Variants in CTNNA2 observed in about 807,000 individuals in gnomAD.
CTNNA2 encodes the protein catenin alpha-2.
A neutral mutation model predicts 101.0 loss-of-function variants in CTNNA2; 42 were observed. That is an observed-to-expected ratio of 0.42 (90% CI 0.32 to 0.54). The LOEUF (loss-of-function observed/expected upper bound fraction) is 0.54, where lower values mean the gene tolerates loss of function less well. Among genes scored for constraint, CTNNA2 ranks in the 20% least tolerant of loss-of-function variants. The pLI, the probability that CTNNA2 is intolerant of heterozygous loss-of-function variation, is 0.14. For missense variants in CTNNA2, 871 were observed against 1,223.1 expected, an observed-to-expected ratio of 0.71 and a Z score of 4.29; for synonymous variants, 450 against 456.4, an observed-to-expected ratio of 0.99 and a Z score of 0.18.
intron 7 of CTNNA2, among the ~76,000 whole-genome samples, chr2:80,375,034 A>G (rs1480678770): frequency 6.6e-6 from 1 of 152,142 alleles, no homozygotes; most frequent in Non-Finnish European, 1.5e-5. Context: ...TGCAGCCTGC[A>G]GATTCTTCCC....
intron 2 of CTNNA2, among the ~76,000 whole-genome samples, chr2:79,269,774 C>T (rs1460317024): frequency 1.3e-5 from 2 of 152,108 alleles, no homozygotes; most frequent in African/African-American, 2.4e-5. Context: ...TATCAAGTGC[C>T]TGTTACTTGC....
intron 4 of CTNNA2, among the ~76,000 whole-genome samples, chr2:79,394,462 C>G (rs890793154): frequency 2.0e-5 from 3 of 152,108 alleles, no homozygotes; most frequent in African/African-American, 7.2e-5. Context: ...TAACAGAAAC[C>G]TAACAATCAA....
At chr2:79,319,633 A>C (rs1307610170) in intron 3 of CTNNA2, 2 of 152,080 alleles carry the variant, frequency 1.3e-5, no homozygotes, top group African/African-American at 4.8e-5. Flanking sequence ...AATGAGAATT[A>C]GTTTTTTATG....
intron 2 of CTNNA2, among the ~76,000 whole-genome samples, chr2:79,298,819 C>T (rs1164137859): frequency 6.6e-6 from 1 of 152,150 alleles, no homozygotes; most frequent in Non-Finnish European, 1.5e-5. Context: ...ACTAAATCTA[C>T]CTTCTTTTCT....
intron 7 of CTNNA2, among the ~76,000 whole-genome samples, chr2:80,169,762 A>G (rs979191416): frequency 1.3e-5 from 2 of 152,184 alleles, no homozygotes; most frequent in Middle Eastern, 3.2e-3. Flanking sequence ...CTGCTCTTGC[A>G]TGGTTGCATA....
intron 1 of CTNNA2, among the ~76,000 whole-genome samples, chr2:79,585,993 C>G (rs1676461788): frequency 6.6e-6 from 1 of 152,040 alleles, no homozygotes; most frequent in African/African-American, 2.4e-5. Context: ...AAAAAAGACT[C>G]AGAAAATTGT....
intron 1 of CTNNA2, among the ~76,000 whole-genome samples, chr2:79,627,039 C>T (rs879424688): frequency 6.6e-6 from 1 of 152,132 alleles, no homozygotes; most frequent in Non-Finnish European, 1.5e-5. Flanking sequence ...GGTCTCATTT[C>T]CTAAATGACT....
intron 7 of CTNNA2, among the ~76,000 whole-genome samples, chr2:80,373,741 C>T (rs976978638): frequency 6.6e-6 from 1 of 152,220 alleles, no homozygotes; most frequent in African/African-American, 2.4e-5. Context: ...GCCTGGCATT[C>T]AGACCAAGAA....
chr2:79,594,758 A>T (rs1677080596), intron 1 of CTNNA2, among the ~76,000 whole-genome samples: 1 of 151,936 alleles, frequency 6.6e-6, no homozygotes, highest in Non-Finnish European at 1.5e-5. Context: ...ATATATCTTT[A>T]ATCTATTCCT....
chr2:79,377,480 T>C (rs1156784045), intron 4 of CTNNA2, among the ~76,000 whole-genome samples: 1 of 152,226 alleles, frequency 6.6e-6, no homozygotes, highest in Non-Finnish European at 1.5e-5. Context: ...CCATAGGTCT[T>C]TGAGTTTCTG....
At chr2:80,241,633 T>A (rs1337666245) in intron 7 of CTNNA2, among the ~76,000 whole-genome samples, 2 of 138,846 alleles carry the variant, frequency 1.4e-5, no homozygotes, top group Non-Finnish European at 3.1e-5. Flanking sequence ...CTATCATCTT[T>A]GTTATATTTA....
intron 9 of CTNNA2, among the ~76,000 whole-genome samples, chr2:80,540,247 C>G (rs1338103481): frequency 6.6e-6 from 1 of 152,084 alleles, no homozygotes; most frequent in Non-Finnish European, 1.5e-5. Context: ...ATTTACTTTA[C>G]CACAGTTTCT....
chr2:80,019,904 C>A (rs981206763), intron 7 of CTNNA2, among the ~76,000 whole-genome samples: 5 of 152,136 alleles, frequency 3.3e-5, no homozygotes, highest in African/African-American at 4.8e-5. Flanking sequence ...TACGAGCAGA[C>A]ATTTAGACCC....
At chr2:80,205,141 A>G (rs565269826) in intron 7 of CTNNA2, among the ~76,000 whole-genome samples, 1 of 152,284 alleles carries the variant, frequency 6.6e-6, no homozygotes, top group Admixed American at 6.5e-5. Context: ...CATATCATAC[A>G]CTCAGTTCTG....
chr2:80,058,451 G>C (rs1376643836), intron 7 of CTNNA2, among the ~76,000 whole-genome samples: 2 of 152,114 alleles, frequency 1.3e-5, no homozygotes, highest in Non-Finnish European at 2.9e-5. Context: ...ATATTGTTTT[G>C]ATATTTCCAG....
chr2:79,784,256 C>G lies in CTNNA2; in HGVS notation c.298+39674C>G. Among the ~76,000 whole-genome samples the G allele has an allele frequency of 1.3e-5, 2 of 152,118 alleles. 1 individual carries two copies. The highest frequency in any genetic ancestry group is 4.2e-4 in the South Asian group (2 of 4,818). ...CCACAGGCTTATTGTTGGTTAAAGACCTGCATATTCAAATGCCTCTAAGTT... is the reference window on the plus strand; with the variant it reads ...CCACAGGCTTATTGTTGGTTAAAGAGCTGCATATTCAAATGCCTCTAAGTT... On this transcript the variant is annotated intron_variant, in intron 3 of 18. Coordinates refer to ENST00000402739, the MANE Select transcript of CTNNA2 (RefSeq NM_001282597.3).
chr2:79,595,227 A>G (rs989062886), intron 1 of CTNNA2, among the ~76,000 whole-genome samples: 3 of 151,920 alleles, frequency 2.0e-5, no homozygotes. Context: ...TCTTCATTCT[A>G]TTTCCTAAAT....
At chr2:80,200,246 ACT>A (rs1472263043) in intron 7 of CTNNA2, among the ~76,000 whole-genome samples, 3 of 152,102 alleles carry the variant, frequency 2.0e-5, no homozygotes, top group African/African-American at 7.2e-5. Context: ...CCACAGGCAG[ACT>A]CTGTTATTCC....
intron 1 of CTNNA2, among the ~76,000 whole-genome samples, chr2:79,565,900 C>A (rs192514233): frequency 2.6e-5 from 4 of 151,902 alleles, no homozygotes; most frequent in African/African-American, 7.2e-5. Flanking sequence ...AGAGATTTTC[C>A]AGGAAAAATA....
Sources: allele counts gnomAD v4.1 joint callset (sites outside exome capture counted in the v4.1 genomes callset), GRCh38; gene constraint gnomAD v4.1.1; transcripts MANE v1.5; gene names NCBI Gene and HGNC (gene_info 2026-07-23, HGNC 2026-07-21).